INVS: variants seen among roughly 807,000 people sequenced by gnomAD.
INVS encodes the protein inversion of embryo turning homolog.
A neutral mutation model predicts 108.8 loss-of-function variants in INVS; 86 were observed. The ratio of observed to expected loss-of-function variants is 0.79; its 90% CI spans 0.66 to 0.95. INVS has a LOEUF of 0.95. Ranked by LOEUF, INVS falls within the 40% of genes least tolerant of loss-of-function variation. INVS has a pLI of 0.00. For synonymous variants in INVS, 455 were observed against 473.5 expected, an observed-to-expected ratio of 0.96 and a Z score of 0.51; for missense variants, 1,169 against 1,297.4, an observed-to-expected ratio of 0.90 and a Z score of 1.52.
intron 2 of INVS, among the ~76,000 whole-genome samples, chr9:100,106,648 G>A (rs1827191595): frequency 6.6e-6 from 1 of 152,172 alleles, no homozygotes; most frequent in African/African-American, 2.4e-5. Flanking sequence ...AGTTATGTGG[G>A]CAGTCTAGGT....
At chr9:100,124,040 C>A (rs1372379188) in intron 2 of INVS, among the ~76,000 whole-genome samples, 2 of 152,140 alleles carry the variant, frequency 1.3e-5, no homozygotes, top group Non-Finnish European at 2.9e-5. Context: ...AACTCTAGGC[C>A]TCAAGTGATC....
At chr9:100,300,544 C>T in intron 16 of INVS, 24 bp from the exon 17 acceptor site, 1 of 1,395,708 alleles carries the variant, frequency 7.2e-7, no homozygotes. Context: ...ACCTTAATAT[C>T]TATCTGGTAT....
At chr9:100,207,663 G>A (rs1170435103) in intron 3 of INVS, among the ~76,000 whole-genome samples, 1 of 152,094 alleles carries the variant, frequency 6.6e-6, no homozygotes, top group Admixed American at 6.6e-5. Context: ...TGAAAACTAT[G>A]CAAATCCTCT....
intron 3 of INVS, among the ~76,000 whole-genome samples, chr9:100,171,969 G>A (rs113773088): frequency 3.6e-4 from 55 of 152,074 alleles, no homozygotes; most frequent in South Asian, 2.5e-3. Context: ...TAAATTTGTG[G>A]CAATACTTAG....
intron 8 of INVS, among the ~76,000 whole-genome samples, chr9:100,250,833 G>T (rs1832209066): frequency 6.6e-6 from 1 of 152,126 alleles, no homozygotes; most frequent in African/African-American, 2.4e-5. Context: ...ACTATATAAA[G>T]CCCTTCAAAT....
In INVS at chr9:100,195,557, G is replaced by A. The variant is rs4743389; in HGVS notation, c.274-30505G>A. Among the ~76,000 whole-genome samples, 2,538 of 151,712 alleles carry A rather than the reference G, an allele frequency of 0.017. 236 individuals carry two copies. In the East Asian group the frequency reaches 0.28, roughly 17 times the overall value. ...AGCTGGAGTGCAGTGATGTGATCTC[G>A]GCTCACTGCAGCCTCCACCTTCCAG... On this transcript the variant is annotated intron_variant, in intron 3 of 16. Transcript: ENST00000262457.
In INVS at chr9:100,126,554, G is replaced by A. The variant is rs1195767279; in HGVS notation, c.273+5G>A. Reference sequence around the variant, plus strand: ...CTCCATCTTGCAGCCCAGAAGGTGAGAAGTAAAATTTCCTTGAAGAGTAAA... The same window carrying A: ...CTCCATCTTGCAGCCCAGAAGGTGAAAAGTAAAATTTCCTTGAAGAGTAAA... On this transcript the variant is annotated splice_donor_5th_base_variant and intron_variant, in intron 3 of 16. Coordinates refer to ENST00000262457, the MANE Select transcript of INVS (RefSeq NM_014425.5). 4 of 1,614,078 alleles carry A rather than the reference G, an allele frequency of 2.5e-6. No individual in the cohort carries two copies. The highest frequency in any genetic ancestry group is 3.4e-6 in the Non-Finnish European group (4 of 1,179,970).
intron 4 of INVS, 112 bp from the exon 5 acceptor site, chr9:100,229,548 G>C: frequency 1.1e-6 from 1 of 882,030 alleles, no homozygotes; most frequent in Non-Finnish European, 1.9e-6. Context: ...TGAAAACAAA[G>C]ATACAGGGCA....
chr9:100,153,005 T>TTGTG (rs60860854), intron 3 of INVS, among the ~76,000 whole-genome samples: 8,289 of 149,212 alleles, frequency 0.056, 499 homozygotes, highest in African/African-American at 0.16. Context: ...TGTTAACTAA[T>TTGTG]TGTGTGTGTG....
At chr9:100,203,439 A>T (rs1259919404) in intron 3 of INVS, among the ~76,000 whole-genome samples, 1 of 151,940 alleles carries the variant, frequency 6.6e-6, no homozygotes, top group Non-Finnish European at 1.5e-5. Context: ...AAAAAGAAAT[A>T]CAAATTATAA....
At chr9:100,206,393 A>C (rs541842301) in intron 3 of INVS, among the ~76,000 whole-genome samples, 26 of 152,188 alleles carry the variant, frequency 1.7e-4, no homozygotes, top group Admixed American at 1.4e-3. Flanking sequence ...ATGTTTTGAT[A>C]TAATCTCAAA....
intron 3 of INVS, among the ~76,000 whole-genome samples, chr9:100,158,668 G>A (rs1007049021): frequency 6.6e-6 from 1 of 152,062 alleles, no homozygotes; most frequent in African/African-American, 2.4e-5. Context: ...AATACTTTGG[G>A]GAATACAAAG....
intron 3 of INVS, among the ~76,000 whole-genome samples, chr9:100,133,637 A>C (rs1191301488): frequency 2.6e-5 from 4 of 152,140 alleles, no homozygotes; most frequent in African/African-American, 7.2e-5. Context: ...TATAAAGTAA[A>C]AAAGTCTGGC....
At chr9:100,182,651 G>A (rs1248897039) in intron 3 of INVS, among the ~76,000 whole-genome samples, 1 of 152,138 alleles carries the variant, frequency 6.6e-6, no homozygotes, top group Non-Finnish European at 1.5e-5. Context: ...GAGAGGATGT[G>A]GAGAAATAGG....
chr9:100,215,470 G>T (rs1024952712), intron 3 of INVS: 1 of 152,198 alleles, frequency 6.6e-6, no homozygotes, highest in Admixed American at 6.5e-5. Context: ...CTTCATACAG[G>T]AGTGTGGACC....
At position 100,294,879 on chromosome 9, in the gene INVS, C is replaced by T. The variant is rs10116609; in HGVS notation, c.2786+1836C>T. 4.7e-3 allele frequency among the ~76,000 whole-genome samples: 722 copies of T among 152,290 alleles called. 7 individuals carry two copies. The highest frequency in any genetic ancestry group is 0.016 in the African/African-American group (677 of 41,554). Reference sequence around the variant, plus strand: ...AACTAGTTTTACCTGTGCATGTAATCGTCACTGATAACCCTGCAAGGTAGG... The same window carrying T: ...AACTAGTTTTACCTGTGCATGTAATTGTCACTGATAACCCTGCAAGGTAGG... On this transcript the variant is annotated intron_variant, in intron 14 of 16. Coordinates refer to ENST00000262457, the MANE Select transcript of INVS (RefSeq NM_014425.5).
At position 100,293,054 on chromosome 9, in the gene INVS, G is replaced by A. The variant is rs759898300; in HGVS notation, c.2786+11G>A. 6.2e-7 allele frequency: 1 copy of A among 1,607,390 alleles called. No homozygotes were observed. Among genetic ancestry groups the A allele is most frequent in the East Asian group, 2.2e-5 (1 of 44,870 alleles). On this transcript the variant is annotated intron_variant, in intron 14 of 16. Coordinates refer to ENST00000262457, the MANE Select transcript of INVS (RefSeq NM_014425.5). The stretch of plus-strand genomic sequence containing the variant: ...GCGCGCCTGGCGAAGGTAGGAAAAT[G>A]GGGTGCTGCCGCATCTGTGGTTCTT...
At chr9:100,270,655 G>A (rs1832924191) in intron 11 of INVS, among the ~76,000 whole-genome samples, 2 of 151,090 alleles carry the variant, frequency 1.3e-5, no homozygotes, top group South Asian at 4.2e-4. Flanking sequence ...GGCTGAGATG[G>A]GAGAATTGCT....
intron 9 of INVS, 133 bp downstream of exon 9, chr9:100,252,571 G>A (rs1431952312): frequency 2.2e-6 from 2 of 890,412 alleles, no homozygotes; most frequent in African/African-American, 1.7e-5. Context: ...ACACAACATG[G>A]CATGAGGAAC....
Sources: gnomAD v4.1 joint callset for allele counts (sites outside exome capture counted in the v4.1 genomes callset) on GRCh38, gnomAD v4.1.1 for gene constraint, MANE v1.5 for transcripts, NCBI Gene and HGNC (gene_info 2026-07-23, HGNC 2026-07-21) for gene names.